Variants in ADGRL4 observed in about 807,000 individuals in gnomAD.
The protein encoded by ADGRL4 is adhesion G protein-coupled receptor L4.
A neutral mutation model predicts 74.8 loss-of-function variants in ADGRL4; 90 were observed. That is an observed-to-expected ratio of 1.20 (90% CI 1.02 to 1.43). The LOEUF is 1.43. Ranked by LOEUF, ADGRL4 falls within the 40% of genes most tolerant of loss-of-function variation. ADGRL4 has a pLI of 0.00. For synonymous variants in ADGRL4, 311 were observed against 279.2 expected (o/e 1.11, Z -1.14); for missense variants, 881 against 814.3 (o/e 1.08, Z -1.00).
intron 2 of ADGRL4, among the ~76,000 whole-genome samples, chr1:78,965,205 T>C (rs1650030281): frequency 1.3e-5 from 2 of 152,176 alleles, no homozygotes; most frequent in Non-Finnish European, 2.9e-5. Flanking sequence ...ATTTAACTCT[T>C]AAATCTTGAA....
intron 3 of ADGRL4, among the ~76,000 whole-genome samples, chr1:78,939,496 A>T (rs1322164028): frequency 6.6e-6 from 1 of 151,940 alleles, no homozygotes; most frequent in East Asian, 1.9e-4. Flanking sequence ...TGATTAAATT[A>T]AAAAAAATAG....
intron 12 of ADGRL4, among the ~76,000 whole-genome samples, chr1:78,903,554 A>G (rs965238892): frequency 6.6e-6 from 1 of 152,162 alleles, no homozygotes; most frequent in Non-Finnish European, 1.5e-5. Flanking sequence ...CACAGTTTTC[A>G]GTCATATTTA....
chr1:78,990,618 A>G (rs1329159936), intron 2 of ADGRL4, among the ~76,000 whole-genome samples: 2 of 151,944 alleles, frequency 1.3e-5, no homozygotes, highest in African/African-American at 4.8e-5. Context: ...AATTTTTTTA[A>G]TATATTTGTC....
intron 8 of ADGRL4, 30 bp from the exon 9 acceptor site, chr1:78,921,816 A>G (rs763685396): frequency 1.5e-4 from 196 of 1,310,258 alleles, no homozygotes; most frequent in Non-Finnish European, 2.0e-4. Context: ...CTGATGAAAA[A>G]AGAGAAAAAG....
intron 12 of ADGRL4, among the ~76,000 whole-genome samples, chr1:78,903,568 T>C (rs1479944366): frequency 6.6e-6 from 1 of 152,150 alleles, no homozygotes; most frequent in African/African-American, 2.4e-5. Flanking sequence ...ATATTTAAAG[T>C]TATGCATATT....
chr1:78,968,510 G>A (rs1246293125), intron 2 of ADGRL4, among the ~76,000 whole-genome samples: 1 of 137,078 alleles, frequency 7.3e-6, no homozygotes, highest in Non-Finnish European at 1.6e-5. Context: ...CGGTGGGGGG[G>A]TGGGGGGGAG....
At chr1:78,939,282 T>C in intron 3 of ADGRL4, 24 bp from the exon 4 acceptor site, 2 of 1,534,982 alleles carry the variant, frequency 1.3e-6, no homozygotes, top group South Asian at 1.3e-5. Context: ...AAATAGATTA[T>C]ACAGTCAGTT....
chr1:78,902,968 T>G (rs1435894819), intron 12 of ADGRL4, among the ~76,000 whole-genome samples: 1 of 152,174 alleles, frequency 6.6e-6, no homozygotes, highest in African/African-American at 2.4e-5. Flanking sequence ...AATCATTTCA[T>G]GATAGTGGTT....
intron 2 of ADGRL4, among the ~76,000 whole-genome samples, chr1:78,947,209 T>C (rs1040323713): frequency 1.3e-5 from 2 of 152,192 alleles, no homozygotes; most frequent in Non-Finnish European, 2.9e-5. Flanking sequence ...GTTCAAGTCC[T>C]AACCCCAAGG....
chr1:78,993,785 G>A (rs976305239), intron 2 of ADGRL4, among the ~76,000 whole-genome samples: 1 of 151,986 alleles, frequency 6.6e-6, no homozygotes, highest in African/African-American at 2.4e-5. Flanking sequence ...GTGTTAGCTA[G>A]GATGGTCTCG....
At chr1:79,001,908 T>G (rs1195172442) in intron 2 of ADGRL4, among the ~76,000 whole-genome samples, 1 of 152,154 alleles carries the variant, frequency 6.6e-6, no homozygotes, top group East Asian at 1.9e-4. Context: ...CACTGATATC[T>G]TTTAATTATT....
intron 12 of ADGRL4, among the ~76,000 whole-genome samples, chr1:78,903,425 G>A (rs773482248): frequency 2.0e-5 from 3 of 152,098 alleles, no homozygotes; most frequent in Non-Finnish European, 4.4e-5. Flanking sequence ...GCAAGTTCAT[G>A]TAAAAAGTCC....
chr1:78,973,296 T>G (rs1338976837), intron 2 of ADGRL4, among the ~76,000 whole-genome samples: 1 of 152,068 alleles, frequency 6.6e-6, no homozygotes, highest in Non-Finnish European at 1.5e-5. Context: ...GCATTATATA[T>G]AAGCTATACT....
At chr1:78,960,082 A>G (rs998617581) in intron 2 of ADGRL4, among the ~76,000 whole-genome samples, 25 of 152,296 alleles carry the variant, frequency 1.6e-4, no homozygotes, top group African/African-American at 5.8e-4. Context: ...AAAAAACACA[A>G]AGATGAATCT....
intron 4 of ADGRL4, 57 bp downstream of exon 4, chr1:78,939,131 C>A: frequency 5.4e-6 from 8 of 1,474,712 alleles, no homozygotes; most frequent in Non-Finnish European, 7.2e-6. Flanking sequence ...ACATTGAAAG[C>A]ATTTTAATTG....
chr1:78,944,197 A>AT (rs1485837895), intron 3 of ADGRL4, among the ~76,000 whole-genome samples: 1 of 152,206 alleles, frequency 6.6e-6, no homozygotes, highest in Non-Finnish European at 1.5e-5. Context: ...ACATGATCAG[A>AT]TAAAAAGACA....
intron 2 of ADGRL4, among the ~76,000 whole-genome samples, chr1:78,968,533 A>C (rs1650104040): frequency 6.6e-6 from 1 of 150,818 alleles, no homozygotes; most frequent in Admixed American, 6.6e-5. Context: ...GGGGGTCGGC[A>C]ATCAGTTCAA....
chr1:78,938,355 T>C (rs1649404964), intron 4 of ADGRL4, 76 bp from the exon 5 acceptor site: 2 of 1,249,914 alleles, frequency 1.6e-6, no homozygotes, highest in Middle Eastern at 2.8e-4. Flanking sequence ...ACTTACATGT[T>C]AAATTTACCC....
At chr1:78,903,933 TAAAATAAATAAA>T (rs1557491941) in intron 12 of ADGRL4, among the ~76,000 whole-genome samples, 1 of 114,008 alleles carries the variant, frequency 8.8e-6, no homozygotes, top group East Asian at 2.2e-4. Flanking sequence ...AGACTCCATA[TAAAATAAATAAA>T]TAAATAAATA....
Sources: allele counts gnomAD v4.1 joint callset (sites outside exome capture counted in the v4.1 genomes callset), GRCh38; gene constraint gnomAD v4.1.1; transcripts MANE v1.5; gene names NCBI Gene and HGNC (gene_info 2026-07-23, HGNC 2026-07-21).